Variants in NOP56 observed in about 807,000 individuals in gnomAD.
NOP56 encodes nucleolar protein 56.
NOP56 carries 31 observed loss-of-function variants against 58.3 expected under a neutral mutation model. That is an observed-to-expected ratio of 0.53 (90% confidence interval 0.40 to 0.72). The LOEUF is 0.72. NOP56 is among the 30% of genes least tolerant of loss of function. The probability of loss-of-function intolerance (pLI) is 0.00; values close to 1 mark genes in which losing one functional copy is unlikely to be tolerated. For missense variants in NOP56, 669 were observed against 739.9 expected, an observed-to-expected ratio of 0.90 and a Z score of 1.11; for synonymous variants, 313 against 282.8, an observed-to-expected ratio of 1.11 and a Z score of -1.07.
chr20:2,653,004 G>A, intron 2 of NOP56, 73 bp downstream of exon 2: 2 of 1,368,786 alleles, frequency 1.5e-6, no homozygotes, highest in Non-Finnish European at 2.0e-6. Context: ...TGCACAGCGC[G>A]CTCCCACGTG....
At chr20:2,657,008 T>A in intron 10 of NOP56, 73 bp from the exon 11 acceptor site, 5 of 1,613,854 alleles carry the variant, frequency 3.1e-6, no homozygotes, top group Non-Finnish European at 3.4e-6. Context: ...ATGAGCCTGA[T>A]CCAATAAAGC....
Position 2,652,845 on chromosome 20 carries a change from C to T in NOP56, c.7C>T (p.Leu3=), listed in dbSNP as rs763025792. 2.5e-6 allele frequency: 4 copies of T among 1,610,604 alleles called. No homozygotes were observed. The South Asian group carries it at 3.3e-5, about 13-fold the overall frequency. The stretch of plus-strand genomic sequence containing the variant: ...CGCGCCCCGGCTCCCGTTCCAGGTG[C>T]TGTTGCACGTGCTGTTTGAGCACGC... The part of the protein sequence containing the change: MV[L]LHVLFEHAVG... The change falls in exon 2 of 12, where the codon CTG becomes TTG. Residue 3 remains leucine (L), a synonymous_variant. Coordinates refer to ENST00000329276, the MANE Select transcript of NOP56 (RefSeq NM_006392.4).
At chr20:2,657,360 CTT>C (rs1281129403) in intron 11 of NOP56, 142 bp downstream of exon 11, 10 of 1,204,654 alleles carry the variant, frequency 8.3e-6, no homozygotes, top group Admixed American at 3.8e-5. Flanking sequence ...AAAACTACCT[CTT>C]GATTCTATAG....
At chr20:2,654,367 T>TGTTAGATGTAGATGTTAGAGG (rs749070391) in intron 3 of NOP56, 47 bp from the exon 4 acceptor site, 1 of 1,609,276 alleles carries the variant, frequency 6.2e-7, no homozygotes, top group South Asian at 1.1e-5. Flanking sequence ...ATGTTAGAGT[T>TGTTAGATGTAGATGTTAGAGG]GATCGTCCTT....
chr20:2,656,133 T>TAAGGGAA (rs1216515901), intron 8 of NOP56, 99 bp downstream of exon 8: 8 of 1,611,806 alleles, frequency 5.0e-6, no homozygotes, highest in African/African-American at 1.3e-5. Context: ...CCCTGACCTA[T>TAAGGGAA]ACAGGCCTCT....
At chr20:2,652,731 C>CGG in intron 1 of NOP56, 68 bp downstream of exon 1, 2 of 1,408,920 alleles carry the variant, frequency 1.4e-6, no homozygotes, top group Non-Finnish European at 1.9e-6. Context: ...GGGCCGCAGA[C>CGG]AGGGCCTGGG....
chr20:2,656,285 A>C lies in NOP56; in HGVS notation c.1011-116A>C. 3 of 1,605,456 alleles carry C rather than the reference A, an allele frequency of 1.9e-6. No homozygotes were observed. In the South Asian group the frequency reaches 3.3e-5, roughly 18 times the overall value. On this transcript the variant is annotated intron_variant, in intron 8 of 11. Transcript: ENST00000329276. ...TTGGCATGCATTGGGGTAGAGATCC[A>C]ATCTGGCCTGAGGCTCACTCAGGAC...
At position 2,655,648 on chromosome 20, in the gene NOP56, G is replaced by A. The variant is rs201961803; in HGVS notation, c.811G>A (p.Val271Met). 4.3e-6 allele frequency: 7 copies of A among 1,614,206 alleles called. No individual in the cohort carries two copies. The highest frequency in any genetic ancestry group is 5.9e-6 in the Non-Finnish European group (7 of 1,180,024). ...LINIESFSSR[V>M]VSLSEYRQSL... ...AAACATCGAGAGCTTCTCCAGTCGT[G>A]TGGTGTCTTTATCTGAATACCGCCA... Residue 271 changes from valine (V) to methionine (M), a missense_variant, in exon 7 of 12, where the codon GTG becomes ATG. By Grantham distance (21) the Val-to-Met change is conservative. Coordinates refer to ENST00000329276, the MANE Select transcript of NOP56 (RefSeq NM_006392.4).
rs1459912180 is a variant in NOP56, at chr20:2,657,480, C to T, written c.1419+262C>T. The T allele has an allele frequency of 5.9e-6, 4 of 678,480 alleles. No homozygotes were observed. The East Asian group carries it at 1.2e-4, about 20-fold the overall frequency. The allele number at this position is 678,480 out of a possible 1,614,324, so 42.0% of individuals were successfully genotyped here. A position where few individuals can be genotyped will look rare whatever the true frequency, so the allele number is the denominator to read the frequency against. On this transcript the variant is annotated intron_variant, in intron 11 of 11. Coordinates refer to ENST00000329276, the MANE Select transcript of NOP56 (RefSeq NM_006392.4). ...TCCTCGGCTGCCTCCCAGGAGTCCTCAACCTGGGGTAGTGTAAATTCCTGC... is the reference window on the plus strand; with the variant it reads ...TCCTCGGCTGCCTCCCAGGAGTCCTTAACCTGGGGTAGTGTAAATTCCTGC...
At chr20:2,656,599 G>A (rs1410721864) in intron 9 of NOP56, 50 bp downstream of exon 9, 1 of 1,610,162 alleles carries the variant, frequency 6.2e-7, no homozygotes, top group Non-Finnish European at 8.5e-7. Context: ...GGGTGGCTGG[G>A]TGGGGAGGCT....
At chr20:2,657,634 A>C in intron 11 of NOP56, 1 of 516,718 alleles carries the variant, frequency 1.9e-6, no homozygotes, top group Non-Finnish European at 3.4e-6. Flanking sequence ...CAGTTTCTTA[A>C]ACAGTGTTTC....
chr20:2,657,149 A>G lies in NOP56; in HGVS notation c.1350A>G (p.Glu450=). The change falls in exon 11 of 12, where the codon GAA becomes GAG. Residue 450 remains glutamate (E), a synonymous_variant. Coordinates refer to ENST00000329276, the MANE Select transcript of NOP56 (RefSeq NM_006392.4). ...AGGAGAAGAAACGCTTAAAGAAGGA[A>G]AAGAAACGGCTGGCTGCACTTGCCC... The part of the protein sequence containing the change: ...EKQEKKRLKK[E]KKRLAALALA... The G allele has an allele frequency of 6.2e-7, 1 of 1,614,162 alleles. No homozygotes were observed. Among genetic ancestry groups the G allele is most frequent in the East Asian group, 2.2e-5 (1 of 44,878 alleles).
chr20:2,656,640 A>T, intron 9 of NOP56, 91 bp downstream of exon 9: 1 of 1,607,596 alleles, frequency 6.2e-7, no homozygotes, highest in East Asian at 2.2e-5. Context: ...TGATGGCAAT[A>T]TTTTTCGTCA....
At chr20:2,653,542 A>T in intron 3 of NOP56, 149 bp downstream of exon 3, 1 of 646,970 alleles carries the variant, frequency 1.5e-6, no homozygotes. Flanking sequence ...GTAATTTGAA[A>T]TAATTGTCTT....
chr20:2,653,245 G>A lies in NOP56; in HGVS notation c.94-34G>A, dbSNP rs1397801646. 1.9e-6 allele frequency: 3 copies of A among 1,550,346 alleles called. No individual in the cohort carries two copies. In the South Asian group the frequency reaches 3.3e-5, roughly 17 times the overall value. ...ACTGCGCCGCAGAGGCAGGAGGGAG[G>A]GAAGGAAACCACTTAGCCTCTTTCT... On this transcript the variant is annotated intron_variant, in intron 2 of 11. Coordinates refer to ENST00000329276, the MANE Select transcript of NOP56 (RefSeq NM_006392.4).
chr20:2,653,146 A>T (rs765331506), intron 2 of NOP56, 133 bp from the exon 3 acceptor site: 1 of 851,310 alleles, frequency 1.2e-6, no homozygotes, highest in Non-Finnish European at 1.9e-6. Flanking sequence ...CCGAACGATT[A>T]AAGCAGAAGC....
chr20:2,655,753 C>CA lies in NOP56; in HGVS notation c.909+8dup, dbSNP rs1442151326. ...AGCCCTAATTGGGGAAGCGGTGCGT[C>CA]ACAGGGGACTCAAAAATGGGAGAAT... On this transcript the variant is annotated splice_region_variant and intron_variant, in intron 7 of 11. Coordinates refer to ENST00000329276, the MANE Select transcript of NOP56 (RefSeq NM_006392.4). 5 of 1,614,056 alleles carry CA rather than the reference C, an allele frequency of 3.1e-6. No individual in the cohort carries two copies. The highest frequency in any genetic ancestry group is 4.2e-6 in the Non-Finnish European group (5 of 1,180,050).
chr20:2,654,144 A>G, intron 3 of NOP56: 2 of 676,690 alleles, frequency 3.0e-6, no homozygotes, highest in Non-Finnish European at 5.5e-6. Context: ...GTGTGTTACA[A>G]GCTATTATTT....
In NOP56 at chr20:2,656,040, A is replaced by C. The variant is rs773399337; in HGVS notation, c.1010+6A>C. On this transcript the variant is annotated splice_donor_region_variant and intron_variant, in intron 8 of 11. Transcript: ENST00000329276. The stretch of plus-strand genomic sequence containing the variant: ...GCTGAAAAGGCCCTGTTCAGGTACC[A>C]GTGAGGGCACCTGCCCACAATCAGG... 1.2e-6 allele frequency: 2 copies of C among 1,614,130 alleles called. No homozygotes were observed. The highest frequency in any genetic ancestry group is 1.7e-5 in the Admixed American group (1 of 60,020).
Sources: gnomAD v4.1 joint callset for allele counts on GRCh38, gnomAD v4.1.1 for gene constraint, MANE v1.5 for transcripts, NCBI Gene and HGNC (gene_info 2026-07-23, HGNC 2026-07-21) for gene names.